LIMK2: variants seen among roughly 807,000 people sequenced by gnomAD.
LIMK2 encodes the protein LIM domain kinase 2.
A neutral mutation model predicts 75.7 loss-of-function variants in LIMK2; 35 were observed. The observed-to-expected ratio is 0.46, with a 90% confidence interval of 0.35 to 0.61. The LOEUF (loss-of-function observed/expected upper bound fraction) is 0.61, where lower values mean the gene tolerates loss of function less well. LIMK2 is among the 20% of genes least tolerant of loss of function. The probability of loss-of-function intolerance (pLI) is 0.00; values close to 1 mark genes in which losing one functional copy is unlikely to be tolerated. For synonymous variants in LIMK2, 301 were observed against 319.2 expected (o/e 0.94, Z 0.61); for missense variants, 623 against 831.0 (o/e 0.75, Z 3.08).
chr22:31,213,114 T>C (rs1369881744), intron 1 of LIMK2, among the ~76,000 whole-genome samples: 1 of 151,810 alleles, frequency 6.6e-6, no homozygotes. Context: ...CCACCTGGGG[T>C]TCTGAGTCCT....
intron 15 of LIMK2, chr22:31,277,055 G>C (rs1317190662): frequency 1.2e-6 from 2 of 1,613,986 alleles, no homozygotes. Context: ...CTGGTTGACT[G>C]TTACAAACCC....
chr22:31,248,396 C>T, intron 2 of LIMK2: 1 of 1,366,144 alleles, frequency 7.3e-7, no homozygotes, highest in Non-Finnish European at 9.6e-7. Flanking sequence ...TAGTCACCGG[C>T]CCCTGCTCAA....
At chr22:31,264,787 A>C (rs1488713683) in intron 7 of LIMK2, among the ~76,000 whole-genome samples, 1 of 150,690 alleles carries the variant, frequency 6.6e-6, no homozygotes, top group Non-Finnish European at 1.5e-5. Context: ...GGCTGGGCGC[A>C]GTGGCTCACG....
intron 1 of LIMK2, among the ~76,000 whole-genome samples, chr22:31,216,956 T>A (rs1302035197): frequency 2.0e-5 from 3 of 152,372 alleles, no homozygotes; most frequent in Non-Finnish European, 2.9e-5. Context: ...CTATTTTACC[T>A]ATTAATTTAC....
intron 2 of LIMK2, chr22:31,248,547 A>T (rs764309462): frequency 6.3e-7 from 1 of 1,595,488 alleles, no homozygotes; most frequent in South Asian, 1.1e-5. Context: ...AGTGGCCTGG[A>T]GTCCTCAGGC....
At chr22:31,257,768 A>C (rs952047867) in intron 2 of LIMK2, among the ~76,000 whole-genome samples, 1 of 152,104 alleles carries the variant, frequency 6.6e-6, no homozygotes, top group African/African-American at 2.4e-5. Flanking sequence ...TTGCCTGATT[A>C]GTTTTTTTAT....
At position 31,266,160 on chromosome 22, in the gene LIMK2, C is replaced by T. The variant is rs1301686241; in HGVS notation, c.1041+28C>T. ...GAGCGCAGGCAACAATTGCTTTGCT[C>T]TTCTGCCCCCAGTCCCTCTGTCACT... On this transcript the variant is annotated intron_variant, in intron 8 of 15. Coordinates refer to ENST00000331728, the MANE Select transcript of LIMK2 (RefSeq NM_005569.4). The T allele has an allele frequency of 1.4e-5, 22 of 1,608,950 alleles. 1 individual carries two copies. The highest frequency in any genetic ancestry group is 3.3e-5 in the South Asian group (3 of 90,936).
chr22:31,272,909 G>C, intron 13 of LIMK2: 1 of 1,343,536 alleles, frequency 7.4e-7, no homozygotes, highest in Non-Finnish European at 9.5e-7. Context: ...CCCATCATGG[G>C]GGATAAGGTG....
chr22:31,246,083 G>C (rs2048665094), intron 2 of LIMK2, among the ~76,000 whole-genome samples: 1 of 151,764 alleles, frequency 6.6e-6, no homozygotes, highest in Non-Finnish European at 1.5e-5. Context: ...TGAGACAAGA[G>C]AATTGCTTGA....
intron 1 of LIMK2, among the ~76,000 whole-genome samples, chr22:31,222,256 G>T (rs928960055): frequency 3.3e-5 from 5 of 150,340 alleles, no homozygotes; most frequent in African/African-American, 1.2e-4. Context: ...TTTTGGTAGA[G>T]ATGTGGTTTC....
intron 1 of LIMK2, among the ~76,000 whole-genome samples, chr22:31,220,977 T>C (rs1601398266): frequency 6.6e-6 from 1 of 151,884 alleles, no homozygotes; most frequent in Non-Finnish European, 1.5e-5. Flanking sequence ...AAAAAAAAAT[T>C]TTTTTTTTGA....
intron 2 of LIMK2, among the ~76,000 whole-genome samples, chr22:31,226,145 G>T (rs998392355): frequency 4.4e-4 from 67 of 151,758 alleles, no homozygotes; most frequent in African/African-American, 1.6e-3. Context: ...CTGCACTACA[G>T]ATTATGCAGG....
chr22:31,239,031 C>T (rs541731243), intron 2 of LIMK2, among the ~76,000 whole-genome samples: 1 of 152,338 alleles, frequency 6.6e-6, no homozygotes, highest in East Asian at 1.9e-4. Context: ...TGCTTATGTG[C>T]TTACAGCCCA....
chr22:31,269,664 C>T (rs2048935265), intron 11 of LIMK2, among the ~76,000 whole-genome samples: 1 of 151,824 alleles, frequency 6.6e-6, no homozygotes, highest in African/African-American at 2.4e-5. Context: ...GTCCCAGCTA[C>T]TCAGGAGGCC....
chr22:31,248,381 T>C (rs2048690621), intron 2 of LIMK2: 2 of 1,323,966 alleles, frequency 1.5e-6, no homozygotes, highest in South Asian at 2.5e-5. Flanking sequence ...CGCTTCTTTC[T>C]TAGCTAGTCA....
intron 14 of LIMK2, among the ~76,000 whole-genome samples, chr22:31,274,434 T>C (rs913392586): frequency 6.6e-6 from 1 of 152,172 alleles, no homozygotes; most frequent in Admixed American, 6.5e-5. Flanking sequence ...GGAGTTTCAC[T>C]CTGTCACCCA....
chr22:31,248,853 A>T (rs1199709003), intron 2 of LIMK2: 2 of 1,422,312 alleles, frequency 1.4e-6, no homozygotes, highest in African/African-American at 1.4e-5. Context: ...TCTCCTTCTC[A>T]CTTAGTCCTT....
chr22:31,221,642 G>A (rs1416626728), intron 1 of LIMK2, among the ~76,000 whole-genome samples: 1 of 151,958 alleles, frequency 6.6e-6, no homozygotes, highest in South Asian at 2.1e-4. Flanking sequence ...CCACCACCAT[G>A]CCTGGCTAAT....
At chr22:31,233,750 A>C (rs1408879406) in intron 2 of LIMK2, among the ~76,000 whole-genome samples, 3 of 152,168 alleles carry the variant, frequency 2.0e-5, no homozygotes, top group Admixed American at 6.5e-5. Context: ...TGTCATTGAG[A>C]GGCACCACCA....
Sources: gnomAD v4.1 joint callset for allele counts (sites outside exome capture counted in the v4.1 genomes callset) on GRCh38, gnomAD v4.1.1 for gene constraint, MANE v1.5 for transcripts, NCBI Gene and HGNC (gene_info 2026-07-23, HGNC 2026-07-21) for gene names.